CCDC141: variants seen among roughly 807,000 people sequenced by gnomAD.
The protein encoded by CCDC141 is coiled-coil domain containing 141.
CCDC141 carries 168 observed loss-of-function variants against 181.0 expected under a neutral mutation model. The ratio of observed to expected loss-of-function variants is 0.93; its 90% CI spans 0.82 to 1.05. CCDC141 has a LOEUF of 1.05. Ranked by LOEUF, CCDC141 falls within the 50% of genes least tolerant of loss-of-function variation. The pLI, the probability that CCDC141 is intolerant of heterozygous loss-of-function variation, is 0.00. For synonymous variants in CCDC141, 666 were observed against 642.3 expected, an observed-to-expected ratio of 1.04 and a Z score of -0.56; for missense variants, 1,902 against 1,788.5, an observed-to-expected ratio of 1.06 and a Z score of -1.14.
chr2:178,990,215 T>G (rs189339102), intron 2 of CCDC141, among the ~76,000 whole-genome samples: 2 of 149,626 alleles, frequency 1.3e-5, no homozygotes, highest in Admixed American at 6.6e-5. Flanking sequence ...TTGGAATCCA[T>G]GTACATAGCT....
intron 21 of CCDC141, among the ~76,000 whole-genome samples, chr2:178,847,831 T>A (rs1685004835): frequency 6.6e-6 from 1 of 152,156 alleles, no homozygotes; most frequent in African/African-American, 2.4e-5. Context: ...GGTGAAGCCC[T>A]CATGAATAGG....
At chr2:178,955,924 C>G (rs993747101) in intron 5 of CCDC141, among the ~76,000 whole-genome samples, 5 of 152,222 alleles carry the variant, frequency 3.3e-5, no homozygotes, top group African/African-American at 9.6e-5. Context: ...GGTCTTCAAT[C>G]TGAGACCAAT....
chr2:179,009,883 C>G (rs543415426), intron 2 of CCDC141, among the ~76,000 whole-genome samples: 6 of 151,972 alleles, frequency 3.9e-5, no homozygotes, highest in African/African-American at 9.6e-5. Context: ...AAGCCCAATG[C>G]AAGGAAATCC....
At chr2:178,946,040 TG>T (rs1300726714) in intron 5 of CCDC141, among the ~76,000 whole-genome samples, 5 of 152,210 alleles carry the variant, frequency 3.3e-5, no homozygotes, top group Admixed American at 2.6e-4. Flanking sequence ...TTCTGCTAAT[TG>T]GAAATGTCTT....
chr2:178,947,883 A>C (rs1393930683), intron 5 of CCDC141, among the ~76,000 whole-genome samples: 1 of 152,196 alleles, frequency 6.6e-6, no homozygotes, highest in Non-Finnish European at 1.5e-5. Context: ...TAGCATAAAT[A>C]TAATGAAAAT....
chr2:178,964,465 A>C (rs1425311634), intron 4 of CCDC141, among the ~76,000 whole-genome samples: 2 of 152,186 alleles, frequency 1.3e-5, no homozygotes, highest in African/African-American at 2.4e-5. Flanking sequence ...AGCCAAAATT[A>C]AAATTCAAAT....
At chr2:178,897,168 T>A (rs1687450922) in intron 8 of CCDC141, among the ~76,000 whole-genome samples, 1 of 152,206 alleles carries the variant, frequency 6.6e-6, no homozygotes, top group African/African-American at 2.4e-5. Context: ...ATAGTACTCA[T>A]TGCTGAGTAA....
At chr2:178,940,291 C>G (rs995220538) in intron 6 of CCDC141, among the ~76,000 whole-genome samples, 2 of 152,106 alleles carry the variant, frequency 1.3e-5, no homozygotes, top group African/African-American at 4.8e-5. Context: ...CGTAATACAA[C>G]TTTCCAAATT....
At chr2:178,948,409 T>C (rs1689818942) in intron 5 of CCDC141, among the ~76,000 whole-genome samples, 2 of 152,216 alleles carry the variant, frequency 1.3e-5, no homozygotes, top group South Asian at 2.1e-4. Context: ...AATTAAAATA[T>C]ATTTGGACTA....
intron 7 of CCDC141, 96 bp downstream of exon 7, chr2:178,918,617 T>C (rs1337043292): frequency 2.0e-6 from 2 of 986,732 alleles, no homozygotes; most frequent in East Asian, 2.6e-5. Context: ...TTACATGGCG[T>C]TTTGACTTCT....
At chr2:178,888,756 G>T in intron 8 of CCDC141, 88 bp from the exon 9 acceptor site, 1 of 1,431,782 alleles carries the variant, frequency 7.0e-7, no homozygotes, top group Non-Finnish European at 9.5e-7. Context: ...ATGTTAGGTA[G>T]GCGTTGGTAA....
At position 178,882,806 on chromosome 2, in the gene CCDC141, A is replaced by AT. The variant is rs529492582; in HGVS notation, c.1719+2094_1719+2095insA. On this transcript the variant is annotated intron_variant, in intron 11 of 23. Transcript: ENST00000443758. ...GCTTGGAAGGAAAGGCTGAGTAAAC[A>AT]GAGTATTGGATTGATCTCGTATTGG... 1.8e-3 allele frequency among the ~76,000 whole-genome samples: 270 copies of AT among 152,122 alleles called. 1 individual carries two copies. The highest frequency in any genetic ancestry group is 6.1e-3 in the African/African-American group (255 of 41,482).
rs1424635534 is a variant in CCDC141 at position 178,918,735 on chromosome 2, T to C, written c.1070A>G (p.Glu357Gly). The C allele has an allele frequency of 3.2e-6, 5 of 1,550,398 alleles. No individual in the cohort carries two copies. In the African/African-American group the frequency reaches 5.5e-5, roughly 17 times the overall value. ...ERNTWLKKAN[E>G]FFNSANKAFD... ...GACCTTGTTAGCACTGTTAAAAAAT[T>C]CATTCGCCTTCTTTAACCAGGTATT... is the stretch of plus-strand genomic sequence containing the variant. Residue 357 changes from glutamate to glycine, a missense_variant, in exon 7 of 24, where the codon GAA (glutamate) becomes GGA (glycine). Glu to Gly is a moderately conservative substitution (Grantham distance 98). Coordinates refer to ENST00000443758, the MANE Select transcript of CCDC141 (RefSeq NM_173648.4).
rs1314977500 is a variant in CCDC141 at position 178,978,534 on chromosome 2, T to C, written c.367A>G (p.Arg123Gly). The change falls in exon 3 of 24, where the codon AGA becomes GGA. Residue 123 changes from arginine (R) to glycine (G), a missense_variant. Arg to Gly is a moderately radical substitution (Grantham distance 125, BLOSUM62 -2). Transcript: ENST00000443758. ...GAAGTCAACCTAAGGAGCTCTGTTCTTCTTTCAAGCATGGACACCAGAGCT... is the reference window on the plus strand; with the variant it reads ...GAAGTCAACCTAAGGAGCTCTGTTCCTCTTTCAAGCATGGACACCAGAGCT... ...WAALVSMLERRTELLRLTSEF... is the reference protein window; with the variant it reads ...WAALVSMLERGTELLRLTSEF... 23 of 1,540,584 alleles carry C rather than the reference T, an allele frequency of 1.5e-5. No homozygotes were observed. In the East Asian group the frequency reaches 5.2e-4, roughly 35 times the overall value.
chr2:178,901,530 G>C (rs1175125007), intron 8 of CCDC141, among the ~76,000 whole-genome samples: 1 of 152,160 alleles, frequency 6.6e-6, no homozygotes, highest in Non-Finnish European at 1.5e-5. Context: ...AATAGATGCA[G>C]AAAAGGCCTT....
At chr2:178,991,487 C>A (rs891742139) in intron 2 of CCDC141, among the ~76,000 whole-genome samples, 9 of 151,836 alleles carry the variant, frequency 5.9e-5, no homozygotes, top group Non-Finnish European at 1.0e-4. Flanking sequence ...AAAACGTAAG[C>A]AGATCTCATG....
At chr2:179,016,384 A>G (rs2042541813) in intron 2 of CCDC141, among the ~76,000 whole-genome samples, 1 of 152,148 alleles carries the variant, frequency 6.6e-6, no homozygotes. Flanking sequence ...ACCATAAAAA[A>G]TGTATACATA....
At position 178,832,553 on chromosome 2, in the gene CCDC141, G is replaced by T. The variant is rs1684302394; in HGVS notation, c.*1620C>A. The T allele has an allele frequency of 6.7e-6, 1 of 148,596 alleles. No individual in the cohort carries two copies. Among genetic ancestry groups the T allele is most frequent in the Non-Finnish European group, 1.5e-5 (1 of 67,226 alleles). 9.2% of individuals were successfully genotyped at this position (148,596 alleles called of 1,614,324 possible). A position where few individuals can be genotyped will look rare whatever the true frequency, so the allele number is the denominator to read the frequency against. On this transcript the variant is annotated 3_prime_UTR_variant, in exon 24 of 24. Transcript: ENST00000443758. ...GCTGTGTATACAAGCTTTTAATATA[G>T]TTCTATCAAAATTTAGAAGGAAACT...
At chr2:178,847,709 T>G (rs546949828) in intron 21 of CCDC141, among the ~76,000 whole-genome samples, 2 of 152,314 alleles carry the variant, frequency 1.3e-5, no homozygotes, top group East Asian at 3.9e-4. Context: ...GGGATTATAC[T>G]AGTGTTATAG....
Sources: gnomAD v4.1 joint callset for allele counts (sites outside exome capture counted in the v4.1 genomes callset) on GRCh38, gnomAD v4.1.1 for gene constraint, MANE v1.5 for transcripts, NCBI Gene and HGNC (gene_info 2026-07-23, HGNC 2026-07-21) for gene names.